The following METTL8 variants were observed in gnomAD, a reference collection of about 807,000 sequenced individuals.
METTL8 encodes methyltransferase 8, tRNA N3-cytidine.
In METTL8, 32 loss-of-function variants were observed where a neutral mutation model predicts 48.7. That is an observed-to-expected ratio of 0.66 (90% CI 0.50 to 0.88). The LOEUF (loss-of-function observed/expected upper bound fraction) is 0.88, where lower values mean the gene tolerates loss of function less well. Among genes scored for constraint, METTL8 ranks in the 40% least tolerant of loss-of-function variants. The pLI, the probability that METTL8 is intolerant of heterozygous loss-of-function variation, is 0.00. For synonymous variants in METTL8, 136 were observed against 157.1 expected, an observed-to-expected ratio of 0.87 and a Z score of 1.01; for missense variants, 464 against 474.4, an observed-to-expected ratio of 0.98 and a Z score of 0.20.
At position 171,360,523 on chromosome 2, in the gene METTL8, A is replaced by C. The variant is rs1408682956; in HGVS notation, c.144-10T>G. 2 of 1,606,954 alleles carry C rather than the reference A, an allele frequency of 1.2e-6. No individual in the cohort carries two copies. On this transcript the variant is annotated splice_polypyrimidine_tract_variant and intron_variant, in intron 2 of 9. Coordinates refer to ENST00000375258, the MANE Select transcript of METTL8 (RefSeq NM_001321154.2). ...CCACTGCATGTGATCCCTATTAAAA[A>C]AAAATAGACTGTAAAATATGCTTTA...
chr2:171,387,963 G>C (rs1177679702), intron 2 of METTL8, among the ~76,000 whole-genome samples: 1 of 152,126 alleles, frequency 6.6e-6, no homozygotes, highest in Non-Finnish European at 1.5e-5. Context: ...CTTCAGCTCT[G>C]ACCACTCTCC....
chr2:171,346,393 T>C (rs748368292), intron 3 of METTL8, among the ~76,000 whole-genome samples: 6 of 152,220 alleles, frequency 3.9e-5, no homozygotes, highest in Non-Finnish European at 7.3e-5. Flanking sequence ...GACTATTATT[T>C]GTGATGCATA....
intron 1 of METTL8, among the ~76,000 whole-genome samples, chr2:171,427,409 C>T (rs1692526302): frequency 6.6e-6 from 1 of 152,190 alleles, no homozygotes; most frequent in Admixed American, 6.5e-5. Flanking sequence ...TTCAAAGCCT[C>T]CTATCAGAAT....
At chr2:171,393,048 G>A (rs538768962) in intron 1 of METTL8, among the ~76,000 whole-genome samples, 12 of 152,182 alleles carry the variant, frequency 7.9e-5, no homozygotes, top group Admixed American at 2.6e-4. Flanking sequence ...AGATTGCAGT[G>A]AGCCGAGATT....
At chr2:171,413,113 T>C (rs1690916227) in intron 1 of METTL8, among the ~76,000 whole-genome samples, 1 of 152,200 alleles carries the variant, frequency 6.6e-6, no homozygotes, top group African/African-American at 2.4e-5. Context: ...CCAGTCAAAG[T>C]ATAATACAAG....
chr2:171,347,269 T>C (rs1683369585), intron 3 of METTL8, among the ~76,000 whole-genome samples: 1 of 152,148 alleles, frequency 6.6e-6, no homozygotes, highest in Non-Finnish European at 1.5e-5. Context: ...TCATCAACCC[T>C]CTCCTGCCTG....
At position 171,316,861 on chromosome 2, in the gene METTL8, G is replaced by A. The variant is rs530090646; in HGVS notation, c.*7311C>T. The stretch of plus-strand genomic sequence containing the variant: ...TTCTCTTTCAGGCAATTTTCAGTGC[G>A]AGTGCCAAATGCTGCTTAGGGGGAT... On this transcript the variant is annotated 3_prime_UTR_variant, in exon 10 of 10. Transcript: ENST00000375258. Among the ~76,000 whole-genome samples the A allele has an allele frequency of 5.3e-5, 8 of 152,232 alleles. No homozygotes were observed. In the South Asian group the frequency reaches 6.2e-4, roughly 12 times the overall value.
At chr2:171,364,844 C>G (rs1411512626) in intron 2 of METTL8, among the ~76,000 whole-genome samples, 2 of 152,076 alleles carry the variant, frequency 1.3e-5, no homozygotes, top group Admixed American at 6.6e-5. Flanking sequence ...TTGTCATTTA[C>G]TATGTATGTG....
At chr2:171,419,746 A>G (rs971879223) in intron 1 of METTL8, among the ~76,000 whole-genome samples, 2 of 152,012 alleles carry the variant, frequency 1.3e-5, no homozygotes, top group African/African-American at 4.8e-5. Context: ...CACACTCCTG[A>G]TATCATTTTA....
At position 171,315,815 on chromosome 2, in the gene METTL8, A is replaced by C. The variant is rs1268843190; in HGVS notation, c.*8357T>G. 2.0e-5 allele frequency among the ~76,000 whole-genome samples: 3 copies of C among 152,236 alleles called. No individual in the cohort carries two copies. In the East Asian group the frequency reaches 5.8e-4, roughly 29 times the overall value. ...GAAGAAATCACAGAAGATTTACAAA[A>C]CTTACATGAAATAAGAAAATGTTCA... On this transcript the variant is annotated 3_prime_UTR_variant, in exon 10 of 10. Coordinates refer to ENST00000375258, the MANE Select transcript of METTL8 (RefSeq NM_001321154.2).
At chr2:171,387,477 C>G (rs1446912423) in intron 2 of METTL8, among the ~76,000 whole-genome samples, 3 of 151,740 alleles carry the variant, frequency 2.0e-5, no homozygotes, top group African/African-American at 4.8e-5. Flanking sequence ...TTGCAGTGAG[C>G]TGAGATTGAA....
At chr2:171,434,499 CAGCGGCGGCTGCCCAGCA>C (rs1693638519), upstream of METTL8, 4 of 1,521,950 alleles carry the variant, frequency 2.6e-6, no homozygotes, top group African/African-American at 5.5e-5. Flanking sequence ...AATTCGAAGG[CAGCGGCGGCTGCCCAGCA>C]CGGGAGTGTG....
rs1376567793 is a variant in METTL8, at chr2:171,322,262, C to A, written c.*1910G>T. On this transcript the variant is annotated 3_prime_UTR_variant, in exon 10 of 10. Transcript: ENST00000375258. Reference sequence around the variant, plus strand: ...ACGGGCTTGAGCGACTGCGCCCGGCCCTCGAGGGGATAAATACATTTTTAA... The same window carrying A: ...ACGGGCTTGAGCGACTGCGCCCGGCACTCGAGGGGATAAATACATTTTTAA... 6.6e-6 allele frequency: 1 copy of A among 151,852 alleles called. No homozygotes were observed. Among genetic ancestry groups the A allele is most frequent in the Non-Finnish European group, 1.5e-5 (1 of 67,996 alleles). 9.4% of individuals were successfully genotyped at this position (151,852 alleles called of 1,614,324 possible).
intron 1 of METTL8, among the ~76,000 whole-genome samples, chr2:171,414,289 T>G (rs1339712019): frequency 6.6e-6 from 1 of 151,964 alleles, no homozygotes; most frequent in African/African-American, 2.4e-5. Context: ...TGGTGGTACA[T>G]GCCTGTAATC....
chr2:171,351,527 G>A (rs1159963329), intron 3 of METTL8, among the ~76,000 whole-genome samples: 4 of 152,118 alleles, frequency 2.6e-5, no homozygotes, highest in Non-Finnish European at 4.4e-5. Flanking sequence ...GATGGGGATG[G>A]CATTGAATCT....
In METTL8 at chr2:171,318,335, T is replaced by G. The variant is rs1684360986; in HGVS notation, c.*5837A>C. The G allele has an allele frequency of 6.6e-6, 1 of 152,260 alleles. No individual in the cohort carries two copies. Among genetic ancestry groups the G allele is most frequent in the African/African-American group, 2.4e-5 (1 of 41,476 alleles). 9.4% of individuals were successfully genotyped at this position (152,260 alleles called of 1,614,324 possible). A position where few individuals can be genotyped will look rare whatever the true frequency, so the allele number is the denominator to read the frequency against. The stretch of plus-strand genomic sequence containing the variant: ...TAATGTGGCATTAATGTACATACAA[T>G]GTTTTAAATAACGATGTTTTCACTC... On this transcript the variant is annotated 3_prime_UTR_variant, in exon 10 of 10. Coordinates refer to ENST00000375258, the MANE Select transcript of METTL8 (RefSeq NM_001321154.2).
chr2:171,361,473 C>A (rs1685164937), intron 2 of METTL8, among the ~76,000 whole-genome samples: 1 of 152,154 alleles, frequency 6.6e-6, no homozygotes, highest in African/African-American at 2.4e-5. Context: ...GGAAGTGCAT[C>A]ATGCTGTGAC....
chr2:171,427,840 T>C (rs1356234793), intron 1 of METTL8, among the ~76,000 whole-genome samples: 1 of 152,250 alleles, frequency 6.6e-6, no homozygotes, highest in Non-Finnish European at 1.5e-5. Flanking sequence ...TGTTTACTGC[T>C]ATACCCTATG....
At chr2:171,371,869 T>C (rs113493968) in intron 2 of METTL8, among the ~76,000 whole-genome samples, 63 of 145,936 alleles carry the variant, frequency 4.3e-4, no homozygotes, top group African/African-American at 1.6e-3. Flanking sequence ...ATTATTATTA[T>C]TGTAGAGACG....
Sources: allele counts gnomAD v4.1 joint callset (sites outside exome capture counted in the v4.1 genomes callset), GRCh38; gene constraint gnomAD v4.1.1; transcripts MANE v1.5; gene names NCBI Gene and HGNC (gene_info 2026-07-23, HGNC 2026-07-21).